Variants in PCLO observed in about 807,000 individuals in gnomAD.
PCLO encodes protein piccolo.
In PCLO, 82 loss-of-function variants were observed where a neutral mutation model predicts 427.5. That is an observed-to-expected ratio of 0.19 (90% CI 0.16 to 0.23). The LOEUF is 0.23. Among genes scored for constraint, PCLO ranks in the 10% least tolerant of loss-of-function variants. The pLI is 1.00. For missense variants in PCLO, 6,239 were observed against 6,115.9 expected, an observed-to-expected ratio of 1.02 and a Z score of -0.67; for synonymous variants, 2,357 against 2,155.4, an observed-to-expected ratio of 1.09 and a Z score of -2.59.
chr7:82,814,159 A>G (rs571277201), intron 20 of PCLO, among the ~76,000 whole-genome samples: 1 of 151,942 alleles, frequency 6.6e-6, no homozygotes, highest in South Asian at 2.1e-4. Context: ...GGAAAAAGTA[A>G]CAATTACGGA....
chr7:82,848,866 A>G (rs2115830786), intron 10 of PCLO: 1 of 391,068 alleles, frequency 2.6e-6, no homozygotes, highest in Non-Finnish European at 5.2e-6. Flanking sequence ...TCTATAACTT[A>G]CTCCAAGGAA....
intron 10 of PCLO, among the ~76,000 whole-genome samples, chr7:82,848,343 C>T (rs1792561717): frequency 7.2e-6 from 1 of 139,162 alleles, no homozygotes; most frequent in Non-Finnish European, 1.5e-5. Context: ...ACAGGTCCCA[C>T]TCTGTCGCCC....
intron 3 of PCLO, among the ~76,000 whole-genome samples, chr7:82,981,143 T>C (rs1796138422): frequency 6.6e-6 from 1 of 150,962 alleles, no homozygotes; most frequent in South Asian, 2.1e-4. Context: ...TAAAAAAGAG[T>C]ATAGGCAACA....
chr7:83,056,481 G>A (rs1379162005), intron 3 of PCLO, among the ~76,000 whole-genome samples: 2 of 152,186 alleles, frequency 1.3e-5, no homozygotes, highest in East Asian at 1.9e-4. Flanking sequence ...CAATATCCAC[G>A]TCGAATGAGG....
At chr7:82,760,887 G>A (rs911518254) in intron 23 of PCLO, 103 bp from the exon 24 acceptor site, 24 of 364,034 alleles carry the variant, frequency 6.6e-5, no homozygotes, top group African/African-American at 4.4e-4. Flanking sequence ...TTTGCACAAA[G>A]CCAGCAGATT....
At chr7:83,157,074 T>C (rs1275116417) in intron 1 of PCLO, among the ~76,000 whole-genome samples, 7 of 152,104 alleles carry the variant, frequency 4.6e-5, no homozygotes, top group African/African-American at 1.4e-4. Context: ...TCCAGGTCAC[T>C]AGCCAGGAGA....
chr7:83,150,532 G>A (rs1792102864), intron 2 of PCLO, among the ~76,000 whole-genome samples: 1 of 152,168 alleles, frequency 6.6e-6, no homozygotes, highest in Admixed American at 6.5e-5. Context: ...GGGGAGTGAT[G>A]ATTCGTGAGT....
chr7:82,950,213 T>C lies in PCLO; in HGVS notation c.10375A>G (p.Ser3459Gly). The C allele has an allele frequency of 6.2e-7, 1 of 1,612,474 alleles. No homozygotes were observed. The highest frequency in any genetic ancestry group is 8.5e-7 in the Non-Finnish European group (1 of 1,179,704). Reference protein sequence around the residue: ...DEDATDRSYVSRRRRTKKSVD... With the variant: ...DEDATDRSYVGRRRRTKKSVD... ...CTCTTTTTAGTTCTCCTTCTCCTAC[T>C]CACATAGCTCCGATCTGTGGCATCT... The change falls in exon 6 of 25, where the codon AGT becomes GGT. Residue 3459 changes from serine to glycine, a missense_variant. Ser to Gly is a moderately conservative substitution (Grantham distance 56, BLOSUM62 0). Coordinates refer to ENST00000333891, the MANE Select transcript of PCLO (RefSeq NM_033026.6).
rs1017445749 is a variant in PCLO, at chr7:83,098,321, G to C, written c.3300+35929C>G. Among the ~76,000 whole-genome samples the C allele has an allele frequency of 3.9e-5, 6 of 152,176 alleles. No homozygotes were observed. The East Asian group carries it at 1.2e-3, about 29-fold the overall frequency. On this transcript the variant is annotated intron_variant, in intron 3 of 24. Transcript: ENST00000333891. Reference sequence around the variant, plus strand: ...ACAGTAGGAGGTACTTTGTCTTTCAGATGCACTACATACAATCATATTTAT... The same window carrying C: ...ACAGTAGGAGGTACTTTGTCTTTCACATGCACTACATACAATCATATTTAT...
chr7:82,852,420 G>A (rs1792687218), intron 10 of PCLO, among the ~76,000 whole-genome samples: 1 of 152,120 alleles, frequency 6.6e-6, no homozygotes, highest in Non-Finnish European at 1.5e-5. Flanking sequence ...GCAGGCAGAA[G>A]AAGCTGGAAA....
In PCLO at chr7:82,786,304, C is replaced by T. The variant is rs184631470; in HGVS notation, c.15007+15214G>A. Among the ~76,000 whole-genome samples the T allele has an allele frequency of 4.7e-3, 713 of 151,074 alleles. 3 individuals are homozygous for T. The highest frequency in any genetic ancestry group is 0.017 in the African/African-American group (681 of 40,978). On this transcript the variant is annotated intron_variant, in intron 22 of 24. Transcript: ENST00000333891. Reference sequence around the variant, plus strand: ...GGAGAAGAAATTTACAGGTTAAGAGCCATAGTATTTTCTTCTATCCTCTAG... The same window carrying T: ...GGAGAAGAAATTTACAGGTTAAGAGTCATAGTATTTTCTTCTATCCTCTAG...
rs1354681900 is a variant in PCLO, at chr7:82,906,056, TAC to T, written c.13437+2819_13437+2820del. 8.7e-5 allele frequency among the ~76,000 whole-genome samples: 13 copies of T among 149,510 alleles called. No individual in the cohort carries two copies. In the South Asian group the frequency reaches 2.7e-3, roughly 32 times the overall value. On this transcript the variant is annotated intron_variant, in intron 8 of 24. Transcript: ENST00000333891. The stretch of plus-strand genomic sequence containing the variant: ...ATAGATAGATAGATAGATAGATAGG[TAC>T]ACACACACACATACACACACATATA...
intron 3 of PCLO, among the ~76,000 whole-genome samples, chr7:83,122,111 C>T (rs1791295473): frequency 6.6e-6 from 1 of 151,872 alleles, no homozygotes; most frequent in Non-Finnish European, 1.5e-5. Flanking sequence ...TTCAAGATAC[C>T]TCATGACAAA....
At chr7:82,816,127 C>G (rs1383605866) in intron 20 of PCLO, among the ~76,000 whole-genome samples, 1 of 152,044 alleles carries the variant, frequency 6.6e-6, no homozygotes, top group Non-Finnish European at 1.5e-5. Context: ...CATCTTACCC[C>G]ATACCCACGT....
intron 3 of PCLO, among the ~76,000 whole-genome samples, chr7:83,112,151 G>A (rs1001556896): frequency 6.6e-6 from 1 of 152,040 alleles, no homozygotes; most frequent in Admixed American, 6.6e-5. Context: ...TCTGCTTCCC[G>A]GGTTCAAGCA....
At position 82,915,392 on chromosome 7, in the gene PCLO, A is replaced by G. The variant is rs1794424010; in HGVS notation, c.12594T>C (p.Pro4198=). 6.2e-7 allele frequency: 1 copy of G among 1,613,462 alleles called. No homozygotes were observed. The highest frequency in any genetic ancestry group is 8.5e-7 in the Non-Finnish European group (1 of 1,179,714). The change falls in exon 7 of 25, where the codon CCT becomes CCC. Residue 4198 remains proline, a synonymous_variant. Transcript: ENST00000333891. ...QSKHKKSLID[P]KMSKFSPIQE... is the part of the protein sequence containing the mutation. ...GAATAGGTGAAAATTTTGACATTTT[A>G]GGGTCAATTAGTGATTTCTTATGCT...
chr7:83,006,646 A>G (rs893574744), intron 3 of PCLO, among the ~76,000 whole-genome samples: 4 of 151,526 alleles, frequency 2.6e-5, no homozygotes, highest in African/African-American at 7.2e-5. Context: ...TTTCATTTCA[A>G]TTAAGTGCCC....
intron 22 of PCLO, among the ~76,000 whole-genome samples, chr7:82,782,657 CTT>C (rs1315146468): frequency 6.6e-6 from 1 of 152,074 alleles, no homozygotes; most frequent in Non-Finnish European, 1.5e-5. Flanking sequence ...AGCTTTGAAA[CTT>C]TTTTACGTTA....
intron 3 of PCLO, among the ~76,000 whole-genome samples, chr7:83,021,434 A>C (rs1788339267): frequency 6.6e-6 from 1 of 152,184 alleles, no homozygotes; most frequent in South Asian, 2.1e-4. Flanking sequence ...CACATTATGT[A>C]AAGTTTATGG....
Sources: allele counts gnomAD v4.1 joint callset (sites outside exome capture counted in the v4.1 genomes callset), GRCh38; gene constraint gnomAD v4.1.1; transcripts MANE v1.5; gene names NCBI Gene and HGNC (gene_info 2026-07-23, HGNC 2026-07-21).